The following LDHB variants were observed in gnomAD, a reference collection of about 807,000 sequenced individuals.
LDHB encodes the protein L-lactate dehydrogenase B chain.
LDHB carries 18 observed loss-of-function variants against 33.4 expected under a neutral mutation model. The observed-to-expected ratio is 0.54, with a 90% CI of 0.37 to 0.80. The LOEUF is 0.80. Among genes scored for constraint, LDHB ranks in the 30% least tolerant of loss-of-function variants. LDHB has a pLI of 0.00. For missense variants in LDHB, 345 were observed against 407.9 expected (o/e 0.85, Z 1.33); for synonymous variants, 121 against 140.6 (o/e 0.86, Z 0.98).
intron 5 of LDHB, among the ~76,000 whole-genome samples, chr12:21,641,112 T>C (rs1188412085): frequency 1.3e-5 from 2 of 152,084 alleles, no homozygotes; most frequent in Admixed American, 6.6e-5. Flanking sequence ...CAGAGAAAAA[T>C]TGATGAGGAG....
chr12:21,651,976 G>T (rs564331179), intron 2 of LDHB, among the ~76,000 whole-genome samples: 42 of 152,314 alleles, frequency 2.8e-4, no homozygotes, highest in Admixed American at 6.5e-5. Context: ...CATAGTCTCT[G>T]AATCTGAAGA....
chr12:21,635,467 G>C lies in LDHB; in HGVS notation c.*75C>G. ...AAGATCAAAGCAAACTGTGATCCAT[G>C]TACATGGATGAAAACTAAAGGCTCG... On this transcript the variant is annotated 3_prime_UTR_variant, in exon 8 of 8. Transcript: ENST00000350669. 8.2e-7 allele frequency: 1 copy of C among 1,212,740 alleles called. No homozygotes were observed. Among genetic ancestry groups the C allele is most frequent in the Admixed American group, 1.7e-5 (1 of 59,454 alleles). 75.1% of individuals were successfully genotyped at this position (1,212,740 alleles called of 1,614,324 possible).
intron 1 of LDHB, among the ~76,000 whole-genome samples, chr12:21,655,389 A>G (rs1025534686): frequency 1.3e-5 from 2 of 152,248 alleles, no homozygotes; most frequent in Non-Finnish European, 2.9e-5. Flanking sequence ...AGCTTGGATA[A>G]AAAGAATAAA....
intron 5 of LDHB, among the ~76,000 whole-genome samples, chr12:21,640,851 CGT>C (rs1938353574): frequency 6.6e-6 from 1 of 150,816 alleles, no homozygotes; most frequent in Non-Finnish European, 1.5e-5. Context: ...AAAAAAAAGA[CGT>C]AAGAGTCAGT....
intron 2 of LDHB, among the ~76,000 whole-genome samples, chr12:21,647,826 A>G (rs1049636613): frequency 2.0e-5 from 3 of 151,678 alleles, no homozygotes; most frequent in Non-Finnish European, 4.4e-5. Flanking sequence ...CCTCCTGAGT[A>G]GCTGGGATTA....
chr12:21,656,907 G>C (rs1938863453), intron 1 of LDHB: 1 of 152,180 alleles, frequency 6.6e-6, no homozygotes, highest in Admixed American at 6.5e-5. Context: ...CTTCTTTGCA[G>C]AATCTTTCTC....
intron 2 of LDHB, among the ~76,000 whole-genome samples, chr12:21,651,850 C>T (rs1419873969): frequency 1.3e-5 from 2 of 152,154 alleles, no homozygotes; most frequent in East Asian, 1.9e-4. Context: ...GTCATTCTTT[C>T]CTGCATTTAT....
intron 2 of LDHB, among the ~76,000 whole-genome samples, chr12:21,649,674 T>TA (rs5796918): frequency 0.94 from 143,594 of 151,968 alleles, 68,341 homozygotes; most frequent in East Asian, 1. Context: ...GTGACAGACT[T>TA]AAAAAAAGGC....
intron 3 of LDHB, 82 bp from the exon 4 acceptor site, chr12:21,644,190 T>A: frequency 1.0e-6 from 1 of 983,736 alleles, no homozygotes; most frequent in Non-Finnish European, 1.6e-6. Flanking sequence ...TCTAAAAGCC[T>A]AACCATACAT....
chr12:21,654,904 C>T (rs1379921313), intron 1 of LDHB, among the ~76,000 whole-genome samples: 2 of 151,914 alleles, frequency 1.3e-5, no homozygotes, highest in East Asian at 1.9e-4. Flanking sequence ...TGGTGGATCA[C>T]GAGGTCAAGA....
At chr12:21,644,427 A>AAAAAAAAAAAAAC (rs1938461514) in intron 3 of LDHB, among the ~76,000 whole-genome samples, 1 of 20,066 alleles carries the variant, frequency 5.0e-5, no homozygotes, top group African/African-American at 1.4e-4. Context: ...TAGACATCAA[A>AAAAAAAAAAAAAC]AAAAAAAAAA....
intron 4 of LDHB, chr12:21,643,661 A>C (rs1938432816): frequency 2.4e-6 from 1 of 419,206 alleles, no homozygotes; most frequent in Non-Finnish European, 4.3e-6. Flanking sequence ...AATCTTTATA[A>C]AAAAGTTTTA....
intron 2 of LDHB, among the ~76,000 whole-genome samples, chr12:21,651,710 T>C (rs1358869922): frequency 1.3e-5 from 2 of 152,238 alleles, no homozygotes; most frequent in Non-Finnish European, 2.9e-5. Flanking sequence ...GTTATATTCC[T>C]TTCTCTATTA....
At chr12:21,652,762 A>G (rs1267514533) in intron 2 of LDHB, among the ~76,000 whole-genome samples, 10 of 152,204 alleles carry the variant, frequency 6.6e-5, no homozygotes, top group Non-Finnish European at 1.2e-4. Flanking sequence ...AAGGAAATGC[A>G]AAAGGATAGG....
chr12:21,650,017 G>A (rs908676997), intron 2 of LDHB, among the ~76,000 whole-genome samples: 56 of 151,796 alleles, frequency 3.7e-4, no homozygotes, highest in Non-Finnish European at 7.1e-4. Context: ...ACTTGAATCC[G>A]AGAGGCAGAG....
intron 4 of LDHB, among the ~76,000 whole-genome samples, chr12:21,642,885 T>C (rs1938410812): frequency 6.6e-6 from 1 of 152,222 alleles, no homozygotes; most frequent in Non-Finnish European, 1.5e-5. Context: ...CCTTGCCAAC[T>C]TTGATTCCAT....
intron 2 of LDHB, among the ~76,000 whole-genome samples, chr12:21,650,408 C>T (rs886587322): frequency 6.6e-6 from 1 of 152,310 alleles, no homozygotes; most frequent in African/African-American, 2.4e-5. Context: ...GCAAAAACTA[C>T]TTTGCAATTT....
intron 4 of LDHB, chr12:21,643,693 C>T (rs529046113): frequency 3.9e-6 from 2 of 507,892 alleles, no homozygotes; most frequent in East Asian, 6.3e-5. Context: ...AATCTATAAC[C>T]AAGCCAGATG....
Position 21,654,540 on chromosome 12 carries a change from T to C in LDHB, c.129+3A>G, listed in dbSNP as rs1938782880. ...TATCATCTATGGTGTTCTTGAAATGTACCTTTCCCAGAATGCTGATAGCAC... is the reference window on the plus strand; with the variant it reads ...TATCATCTATGGTGTTCTTGAAATGCACCTTTCCCAGAATGCTGATAGCAC... On this transcript the variant is annotated splice_donor_region_variant and intron_variant, in intron 2 of 7. Coordinates refer to ENST00000350669, the MANE Select transcript of LDHB (RefSeq NM_002300.8). 6.2e-7 allele frequency: 1 copy of C among 1,613,826 alleles called. No individual in the cohort carries two copies. Among genetic ancestry groups the C allele is most frequent in the Non-Finnish European group, 8.5e-7 (1 of 1,179,816 alleles).
Sources: gnomAD v4.1 joint callset for allele counts (sites outside exome capture counted in the v4.1 genomes callset) on GRCh38, gnomAD v4.1.1 for gene constraint, MANE v1.5 for transcripts, NCBI Gene and HGNC (gene_info 2026-07-23, HGNC 2026-07-21) for gene names.